The following SLC30A6 variants were observed in gnomAD, a reference collection of about 807,000 sequenced individuals.
SLC30A6 encodes the protein solute carrier family 30 member 6.
Under a neutral mutation model 63.0 loss-of-function variants are expected in SLC30A6, and 55 were observed. That is an observed-to-expected ratio of 0.87 (90% CI 0.70 to 1.09). The LOEUF is 1.09. SLC30A6 is among the 50% of genes least tolerant of loss of function. The pLI is 0.00. For missense variants in SLC30A6, 587 were observed against 549.2 expected (o/e 1.07, Z -0.69); for synonymous variants, 224 against 186.1 (o/e 1.20, Z -1.66).
At chr2:32,174,000 C>T in intron 2 of SLC30A6, 63 bp from the exon 3 acceptor site, 2 of 1,299,656 alleles carry the variant, frequency 1.5e-6, no homozygotes, top group Non-Finnish European at 2.2e-6. Context: ...ATTGTAGCAA[C>T]TTGAACAGAC....
At chr2:32,206,470 G>A (rs756828619) in intron 11 of SLC30A6, among the ~76,000 whole-genome samples, 10 of 151,744 alleles carry the variant, frequency 6.6e-5, no homozygotes, top group East Asian at 1.9e-4. Context: ...TCCCAGGGCC[G>A]GATGTGCGTG....
At chr2:32,189,909 C>CT (rs1300746861) in intron 5 of SLC30A6, among the ~76,000 whole-genome samples, 6 of 152,088 alleles carry the variant, frequency 3.9e-5, no homozygotes, top group Admixed American at 2.0e-4. Context: ...CTGTTATTGT[C>CT]TTTTTTCATA....
At chr2:32,206,506 AC>A (rs1684788850) in intron 11 of SLC30A6, among the ~76,000 whole-genome samples, 1 of 151,930 alleles carries the variant, frequency 6.6e-6, no homozygotes, top group Non-Finnish European at 1.5e-5. Context: ...CTTCTGTCTT[AC>A]CCTATGCCTT....
chr2:32,177,520 G>T (rs1681869752), intron 4 of SLC30A6: 2 of 225,840 alleles, frequency 8.9e-6, no homozygotes, highest in South Asian at 7.7e-5. Flanking sequence ...TCAAACTCCT[G>T]ACCTCAAGTG....
At chr2:32,204,965 C>A (rs1329835061) in intron 11 of SLC30A6, among the ~76,000 whole-genome samples, 1 of 151,944 alleles carries the variant, frequency 6.6e-6, no homozygotes, top group Admixed American at 6.6e-5. Flanking sequence ...GCACACACCA[C>A]CACACCCAGC....
intron 7 of SLC30A6, among the ~76,000 whole-genome samples, chr2:32,193,571 A>G (rs1051498493): frequency 2.6e-5 from 4 of 152,344 alleles, no homozygotes; most frequent in South Asian, 4.1e-4. Flanking sequence ...GATCAGTTTA[A>G]TTCCACAAAG....
intron 4 of SLC30A6, among the ~76,000 whole-genome samples, chr2:32,182,536 G>T (rs1682422927): frequency 6.6e-6 from 1 of 152,066 alleles, no homozygotes; most frequent in African/African-American, 2.4e-5. Context: ...CAGATTCAGG[G>T]GTGTTAATGG....
At chr2:32,202,850 T>C (rs1684416722) in intron 10 of SLC30A6, 3 of 879,360 alleles carry the variant, frequency 3.4e-6, no homozygotes, top group Non-Finnish European at 5.8e-6. Context: ...AGATTGATGT[T>C]TTTGGAAAAA....
At chr2:32,192,694 C>G (rs1683439918) in intron 6 of SLC30A6, among the ~76,000 whole-genome samples, 1 of 151,938 alleles carries the variant, frequency 6.6e-6, no homozygotes, top group Non-Finnish European at 1.5e-5. Flanking sequence ...TTGAAATAGG[C>G]TTGGCAGAGA....
intron 8 of SLC30A6, among the ~76,000 whole-genome samples, chr2:32,195,974 C>T (rs1391897442): frequency 1.3e-5 from 2 of 151,904 alleles, no homozygotes; most frequent in Non-Finnish European, 2.9e-5. Flanking sequence ...TGCTTGAGTT[C>T]AGGAGTTTGA....
chr2:32,177,389 C>G (rs531966227), intron 4 of SLC30A6: 3 of 180,966 alleles, frequency 1.7e-5, no homozygotes, highest in South Asian at 7.1e-5. Flanking sequence ...GATCTTGGCT[C>G]AAGTGATTCT....
At chr2:32,198,739 A>C (rs1349804342) in intron 10 of SLC30A6, among the ~76,000 whole-genome samples, 6 of 152,070 alleles carry the variant, frequency 3.9e-5, no homozygotes, top group Admixed American at 3.9e-4. Flanking sequence ...ACCTGCCACC[A>C]CACCTGGCTA....
chr2:32,187,400 ACAGGCAT>A, intron 5 of SLC30A6: 1 of 383,612 alleles, frequency 2.6e-6, no homozygotes, highest in South Asian at 2.0e-5. Context: ...CCAGCTTGGA[ACAGGCAT>A]CAGTCTTTAT....
chr2:32,220,120 A>G, intron 13 of SLC30A6, 93 bp from the exon 14 acceptor site: 1 of 1,410,502 alleles, frequency 7.1e-7, no homozygotes, highest in Non-Finnish European at 9.5e-7. Flanking sequence ...AATGCCAGGA[A>G]CTTACCAAAT....
chr2:32,175,284 G>A (rs1404579305), intron 3 of SLC30A6, 35 bp from the exon 4 acceptor site: 2 of 1,596,960 alleles, frequency 1.3e-6, no homozygotes, highest in Non-Finnish European at 1.7e-6. Flanking sequence ...AGAGGGGTCA[G>A]TAATACTTTT....
intron 5 of SLC30A6, among the ~76,000 whole-genome samples, chr2:32,189,645 G>A (rs1431655043): frequency 1.5e-4 from 16 of 107,748 alleles, no homozygotes; most frequent in Non-Finnish European, 2.0e-4. Context: ...ATCTAACTCT[G>A]TAGCCCATGT....
At chr2:32,197,447 T>C in intron 9 of SLC30A6, 55 bp downstream of exon 9, 1 of 1,506,966 alleles carries the variant, frequency 6.6e-7, no homozygotes. Flanking sequence ...ACACAAGAAA[T>C]GCATCTATCA....
At chr2:32,209,094 A>G (rs2148893697) in intron 12 of SLC30A6, among the ~76,000 whole-genome samples, 1 of 152,332 alleles carries the variant, frequency 6.6e-6, no homozygotes, top group South Asian at 2.1e-4. Context: ...GAGATTTGTT[A>G]TAAGGGATTT....
intron 3 of SLC30A6, among the ~76,000 whole-genome samples, chr2:32,174,667 C>T (rs1681564190): frequency 6.8e-6 from 1 of 147,482 alleles, no homozygotes; most frequent in Admixed American, 7.1e-5. Flanking sequence ...GATTCTCCTG[C>T]CTCAGCCTCC....
Sources: gnomAD v4.1 joint callset for allele counts (sites outside exome capture counted in the v4.1 genomes callset) on GRCh38, gnomAD v4.1.1 for gene constraint, MANE v1.5 for transcripts, NCBI Gene and HGNC (gene_info 2026-07-23, HGNC 2026-07-21) for gene names.